PDZD2: variants seen among roughly 807,000 people sequenced by gnomAD.
The protein encoded by PDZD2 is PDZ domain-containing protein 2.
A neutral mutation model predicts 220.7 loss-of-function variants in PDZD2; 90 were observed. That is an observed-to-expected ratio of 0.41 (90% CI 0.34 to 0.49). The LOEUF is 0.49. Ranked by LOEUF, PDZD2 falls within the 20% of genes least tolerant of loss-of-function variation. PDZD2 has a pLI of 0.28. For missense variants in PDZD2, 3,174 were observed against 3,608.5 expected (o/e 0.88, Z 3.08); for synonymous variants, 1,375 against 1,450.5 (o/e 0.95, Z 1.18).
chr5:31,898,501 T>C (rs923518164), intron 2 of PDZD2, among the ~76,000 whole-genome samples: 24 of 152,236 alleles, frequency 1.6e-4, no homozygotes, highest in African/African-American at 5.8e-4. Flanking sequence ...GCTGCTCTAC[T>C]GCCTTTTCCT....
chr5:31,651,444 G>T (rs1052529968), intron 1 of PDZD2, among the ~76,000 whole-genome samples: 10 of 152,256 alleles, frequency 6.6e-5, no homozygotes, highest in Non-Finnish European at 1.5e-4. Context: ...GCTGCTCATT[G>T]TTCCTGCTAA....
Position 31,639,214 on chromosome 5 carries a change from C to T in PDZD2, c.-584C>T, listed in dbSNP as rs1030938899. Among the ~76,000 whole-genome samples the T allele has an allele frequency of 1.3e-5, 2 of 151,672 alleles. No homozygotes were observed. Among genetic ancestry groups the T allele is most frequent in the African/African-American group, 4.8e-5 (2 of 41,372 alleles). On this transcript the variant is annotated 5_prime_UTR_variant, in exon 1 of 25. Coordinates refer to ENST00000438447, the MANE Select transcript of PDZD2 (RefSeq NM_178140.4). The surrounding 1 kb of genome is among the most constrained non-coding windows in gnomAD (Gnocchi z 4.1). ...GCCGGCCCCGGGCAGCGGGACGCGG[C>T]GGGGCGGCGGCTGCAGGCAGCCGAG...
chr5:31,854,721 G>T (rs776712057), intron 2 of PDZD2, among the ~76,000 whole-genome samples: 4 of 152,024 alleles, frequency 2.6e-5, no homozygotes, highest in Non-Finnish European at 4.4e-5. Context: ...GTAAACAAAG[G>T]TGTCTGGATG....
chr5:31,989,421 CTTTTTTT>C (rs869045113), intron 3 of PDZD2, among the ~76,000 whole-genome samples: 1 of 119,904 alleles, frequency 8.3e-6, no homozygotes, highest in African/African-American at 3.4e-5. Flanking sequence ...ATTTTCTTTT[CTTTTTTT>C]TTTTTTTTTT....
At chr5:31,737,447 C>A (rs1440757689) in intron 1 of PDZD2, among the ~76,000 whole-genome samples, 1 of 152,142 alleles carries the variant, frequency 6.6e-6, no homozygotes, top group Non-Finnish European at 1.5e-5. Context: ...GCTGGGATTA[C>A]AGGCGTGAGC....
intron 2 of PDZD2, chr5:31,822,766 C>A (rs1467180287): frequency 9.7e-7 from 1 of 1,036,066 alleles, no homozygotes; most frequent in Non-Finnish European, 1.4e-6. Context: ...CCAAATCCTG[C>A]AGATGTATTT....
At chr5:31,747,264 T>C (rs889575742) in intron 1 of PDZD2, among the ~76,000 whole-genome samples, 1 of 152,228 alleles carries the variant, frequency 6.6e-6, no homozygotes, top group African/African-American at 2.4e-5. Flanking sequence ...AAGTTTTTTG[T>C]GCTTGGCTTT....
chr5:31,748,394 G>A (rs181879250), intron 1 of PDZD2, among the ~76,000 whole-genome samples: 4 of 152,290 alleles, frequency 2.6e-5, no homozygotes, highest in Non-Finnish European at 4.4e-5. Context: ...TTCTTCATCT[G>A]TAAAGTGGCT....
intron 3 of PDZD2, among the ~76,000 whole-genome samples, chr5:31,988,870 G>A (rs955174632): frequency 5.1e-4 from 78 of 152,134 alleles, no homozygotes; most frequent in African/African-American, 1.6e-3. Flanking sequence ...CAAGCCTCAA[G>A]ACACCCTCCT....
intron 2 of PDZD2, among the ~76,000 whole-genome samples, chr5:31,864,383 C>T (rs1468284642): frequency 2.6e-5 from 4 of 152,206 alleles, no homozygotes; most frequent in African/African-American, 9.7e-5. Context: ...TCCAGCGAAA[C>T]CTTTTTTAGT....
chr5:31,882,082 C>T (rs1739982066), intron 2 of PDZD2, among the ~76,000 whole-genome samples: 1 of 152,168 alleles, frequency 6.6e-6, no homozygotes, highest in Non-Finnish European at 1.5e-5. Context: ...TGTGTAAAAA[C>T]CCATCCTAAA....
chr5:31,936,122 G>GGA (rs1281755275), intron 2 of PDZD2: 6 of 987,458 alleles, frequency 6.1e-6, no homozygotes, highest in African/African-American at 3.5e-5. Context: ...GAAGCCGGGA[G>GGA]GAGAGAGAGA....
At chr5:31,744,208 C>T (rs1298745529) in intron 1 of PDZD2, 1 of 152,124 alleles carries the variant, frequency 6.6e-6, no homozygotes, top group Non-Finnish European at 1.5e-5. Context: ...TTGATTTAAC[C>T]CTGCTCTGAT....
At chr5:31,948,972 G>A (rs1293405007) in intron 2 of PDZD2, among the ~76,000 whole-genome samples, 2 of 151,866 alleles carry the variant, frequency 1.3e-5, no homozygotes, top group African/African-American at 2.4e-5. Context: ...AGTGGCAAGC[G>A]CCTGTAATCC....
chr5:31,908,562 T>A (rs1742895842), intron 2 of PDZD2: 1 of 977,344 alleles, frequency 1.0e-6, no homozygotes, highest in Non-Finnish European at 1.6e-6. Context: ...TGGCTGGTGT[T>A]GATACTGTCA....
intron 2 of PDZD2, among the ~76,000 whole-genome samples, chr5:31,819,524 A>T (rs756178420): frequency 6.6e-6 from 1 of 151,768 alleles, no homozygotes; most frequent in Non-Finnish European, 1.5e-5. Context: ...GCGAGTGGTG[A>T]TGTACACCTG....
At chr5:32,044,292 G>A (rs1737720345) in intron 7 of PDZD2, among the ~76,000 whole-genome samples, 1 of 152,146 alleles carries the variant, frequency 6.6e-6, no homozygotes, top group African/African-American at 2.4e-5. Flanking sequence ...TTGTGCCACT[G>A]CACTGCAGCC....
At chr5:31,803,146 G>T (rs1421029414) in intron 2 of PDZD2, among the ~76,000 whole-genome samples, 2 of 149,764 alleles carry the variant, frequency 1.3e-5, no homozygotes, top group African/African-American at 2.4e-5. Flanking sequence ...CACCCAGGCT[G>T]GAGTGCAGAG....
At chr5:31,991,385 C>T (rs894200641) in intron 3 of PDZD2, among the ~76,000 whole-genome samples, 1 of 152,118 alleles carries the variant, frequency 6.6e-6, no homozygotes, top group African/African-American at 2.4e-5. Context: ...CGGAAGTAGA[C>T]TCTACAGATG....
Sources: gnomAD v4.1 joint callset for allele counts (sites outside exome capture counted in the v4.1 genomes callset) on GRCh38, gnomAD v4.1.1 for gene constraint, Gnocchi (gnomAD v3.1) non-coding constraint, MANE v1.5 for transcripts, NCBI Gene and HGNC (gene_info 2026-07-23, HGNC 2026-07-21) for gene names.